ZDHHC2: variants seen among roughly 807,000 people sequenced by gnomAD.
ZDHHC2 encodes palmitoyltransferase ZDHHC2.
ZDHHC2 carries 51 observed loss-of-function variants against 55.6 expected under a neutral mutation model. The observed-to-expected ratio is 0.92, with a 90% CI of 0.73 to 1.16. The LOEUF is 1.16. Among genes scored for constraint, ZDHHC2 ranks in the 50% most tolerant of loss-of-function variants. The pLI, the probability that ZDHHC2 is intolerant of heterozygous loss-of-function variation, is 0.00. For synonymous variants in ZDHHC2, 199 were observed against 152.9 expected (o/e 1.30, Z -2.22); for missense variants, 491 against 442.4 (o/e 1.11, Z -0.99).
chr8:17,214,102 T>C (rs1242140783), intron 10 of ZDHHC2, among the ~76,000 whole-genome samples: 1 of 152,220 alleles, frequency 6.6e-6, no homozygotes, highest in Non-Finnish European at 1.5e-5. Flanking sequence ...TTTTTTCTTT[T>C]GAATACTGTT....
At chr8:17,184,953 C>G (rs1325119659) in intron 2 of ZDHHC2, 138 bp downstream of exon 2, 1 of 732,910 alleles carries the variant, frequency 1.4e-6, no homozygotes, top group African/African-American at 1.8e-5. Flanking sequence ...TCTCATTTCT[C>G]TTAAGTTTGC....
In ZDHHC2 at chr8:17,222,961, C is replaced by A. The variant is rs1179695725; in HGVS notation, c.*2740C>A. On this transcript the variant is annotated 3_prime_UTR_variant, in exon 13 of 13. Coordinates refer to ENST00000262096, the MANE Select transcript of ZDHHC2 (RefSeq NM_016353.5). ...AAACAGACTATAAAACTCAACTACA[C>A]TGTAATCAATAGACAACTATTGGAA... 1 of 151,750 alleles carries A rather than the reference C, an allele frequency of 6.6e-6. No individual in the cohort carries two copies. 9.4% of individuals were successfully genotyped at this position (151,750 alleles called of 1,614,324 possible).
chr8:17,176,332 G>A (rs2150895376), intron 1 of ZDHHC2, among the ~76,000 whole-genome samples: 1 of 152,202 alleles, frequency 6.6e-6, no homozygotes, highest in East Asian at 1.9e-4. Flanking sequence ...CACCATCGAA[G>A]ACTTATTGCT....
chr8:17,167,759 A>G (rs1354943524), intron 1 of ZDHHC2, among the ~76,000 whole-genome samples: 4 of 152,194 alleles, frequency 2.6e-5, no homozygotes, highest in Admixed American at 6.5e-5. Flanking sequence ...AGAGTAAGTA[A>G]TATCCTCATA....
intron 3 of ZDHHC2, 89 bp from the exon 4 acceptor site, chr8:17,195,415 A>C: frequency 7.1e-7 from 1 of 1,405,754 alleles, no homozygotes. Context: ...TTAATATTTT[A>C]TAAATACCCT....
intron 10 of ZDHHC2, among the ~76,000 whole-genome samples, chr8:17,215,036 A>G (rs1807579188): frequency 1.3e-5 from 2 of 152,182 alleles, no homozygotes; most frequent in African/African-American, 4.8e-5. Flanking sequence ...AAGAAGGAAA[A>G]GAGACTGAAG....
At chr8:17,197,436 A>C (rs1318974040) in intron 4 of ZDHHC2, 146 bp from the exon 5 acceptor site, 1 of 704,984 alleles carries the variant, frequency 1.4e-6, no homozygotes, top group African/African-American at 1.8e-5. Flanking sequence ...TTTTGTATTT[A>C]AACAGCATCA....
chr8:17,158,704 C>A (rs1223299591), intron 1 of ZDHHC2, among the ~76,000 whole-genome samples: 1 of 152,222 alleles, frequency 6.6e-6, no homozygotes, highest in Non-Finnish European at 1.5e-5. Context: ...GACGATTTGA[C>A]TAAGAGGAAG....
intron 1 of ZDHHC2, among the ~76,000 whole-genome samples, chr8:17,182,211 C>T (rs1679909854): frequency 6.6e-6 from 1 of 152,076 alleles, no homozygotes; most frequent in Admixed American, 6.5e-5. Flanking sequence ...TAGCTATATG[C>T]AGTTTTATTT....
rs2150869143 is a variant in ZDHHC2, at chr8:17,156,679, G to A, written c.-45G>A. 1.6e-6 allele frequency: 2 copies of A among 1,254,062 alleles called. No homozygotes were observed. The highest frequency in any genetic ancestry group is 3.7e-5 in the East Asian group (1 of 26,844). 77.7% of individuals were successfully genotyped at this position (1,254,062 alleles called of 1,614,324 possible). ...CCCGCCCAGCCCGCCCCGGAGCCAG[G>A]CCCGCGGGCGGCGGCGGAGCTGGGC... On this transcript the variant is annotated 5_prime_UTR_variant, in exon 1 of 13. Coordinates refer to ENST00000262096, the MANE Select transcript of ZDHHC2 (RefSeq NM_016353.5).
intron 1 of ZDHHC2, among the ~76,000 whole-genome samples, chr8:17,172,143 A>G (rs1033505493): frequency 1.4e-4 from 22 of 152,136 alleles, no homozygotes; most frequent in Non-Finnish European, 2.5e-4. Context: ...ACTTTCCTGT[A>G]TCCATTTATC....
At chr8:17,162,539 G>T (rs1804400090) in intron 1 of ZDHHC2, among the ~76,000 whole-genome samples, 1 of 152,158 alleles carries the variant, frequency 6.6e-6, no homozygotes, top group African/African-American at 2.4e-5. Context: ...GTTTCCATGA[G>T]GTTAGAAAGA....
chr8:17,192,291 C>A (rs1200138614), intron 3 of ZDHHC2, among the ~76,000 whole-genome samples: 1 of 152,106 alleles, frequency 6.6e-6, no homozygotes, highest in South Asian at 2.1e-4. Flanking sequence ...TGCCCTTTGC[C>A]TATCTTTAGG....
At chr8:17,197,678 A>G in intron 5 of ZDHHC2, 27 bp downstream of exon 5, 1 of 1,590,444 alleles carries the variant, frequency 6.3e-7, no homozygotes. Flanking sequence ...CTTCTAAAAT[A>G]TCTACATGCT....
At chr8:17,164,249 T>G (rs1168620912) in intron 1 of ZDHHC2, among the ~76,000 whole-genome samples, 1 of 152,138 alleles carries the variant, frequency 6.6e-6, no homozygotes, top group East Asian at 1.9e-4. Flanking sequence ...TGAAGTGTTA[T>G]AAAATCCATT....
chr8:17,204,985 T>G (rs1255046685), intron 6 of ZDHHC2, among the ~76,000 whole-genome samples: 5 of 152,200 alleles, frequency 3.3e-5, no homozygotes, highest in Non-Finnish European at 7.3e-5. Context: ...TTTCCATATT[T>G]GGAATTATAG....
Position 17,156,757 on chromosome 8 carries a change from C to T in ZDHHC2, c.34C>T (p.Arg12Trp), listed in dbSNP as rs1353432607. The T allele has an allele frequency of 2.0e-6, 3 of 1,500,656 alleles. No individual in the cohort carries two copies. Among genetic ancestry groups the T allele is most frequent in the Admixed American group, 2.2e-5 (1 of 45,950 alleles). 93.0% of individuals were successfully genotyped at this position (1,500,656 alleles called of 1,614,324 possible). Residue 12 changes from arginine (R) to tryptophan (W), a missense_variant, in exon 1 of 13, where the codon CGG becomes TGG. Coordinates refer to ENST00000262096, the MANE Select transcript of ZDHHC2 (RefSeq NM_016353.5). ...APSGPGSSAR[R>W]RCRRVLYWIP... is the part of the protein sequence containing the mutation. ...CTCGGGCCCGGGCAGCAGCGCCAGGCGGCGGTGCCGGCGGGTGCTGTACTG... is the reference window on the plus strand; with the variant it reads ...CTCGGGCCCGGGCAGCAGCGCCAGGTGGCGGTGCCGGCGGGTGCTGTACTG...
At chr8:17,187,677 C>T (rs1324628369) in intron 3 of ZDHHC2, among the ~76,000 whole-genome samples, 1 of 152,022 alleles carries the variant, frequency 6.6e-6, no homozygotes, top group Admixed American at 6.5e-5. Context: ...CTCTCTTACC[C>T]TCATCCTGTC....
intron 1 of ZDHHC2, among the ~76,000 whole-genome samples, chr8:17,184,124 C>T (rs145940150): frequency 1.3e-5 from 2 of 152,120 alleles, no homozygotes; most frequent in African/African-American, 2.4e-5. Context: ...ATACAAAAGG[C>T]GTACATATGT....
Sources: allele counts gnomAD v4.1 joint callset (sites outside exome capture counted in the v4.1 genomes callset), GRCh38; gene constraint gnomAD v4.1.1; transcripts MANE v1.5; gene names NCBI Gene and HGNC (gene_info 2026-07-23, HGNC 2026-07-21).